The following RGL1 variants were observed in gnomAD, a reference collection of about 807,000 sequenced individuals.
The protein encoded by RGL1 is ral guanine nucleotide dissociation stimulator like 1.
Under a neutral mutation model 95.2 loss-of-function variants are expected in RGL1, and 24 were observed. The ratio of observed to expected loss-of-function variants is 0.25; its 90% confidence interval spans 0.18 to 0.35. The LOEUF (loss-of-function observed/expected upper bound fraction) is 0.35. RGL1 is among the 10% of genes least tolerant of loss of function. RGL1 has a pLI of 1.00. For synonymous variants in RGL1, 329 were observed against 344.9 expected (o/e 0.95, Z 0.51); for missense variants, 715 against 936.3 (o/e 0.76, Z 3.08).
At chr1:183,752,700 CTCTCTT>C (rs1262416419) in intron 2 of RGL1, among the ~76,000 whole-genome samples, 20 of 148,684 alleles carry the variant, frequency 1.3e-4, no homozygotes, top group East Asian at 5.9e-4. Context: ...CTCTCTCTCT[CTCTCTT>C]TCCCCTTTCC....
intron 2 of RGL1, among the ~76,000 whole-genome samples, chr1:183,840,887 A>G (rs922779170): frequency 1.3e-5 from 2 of 151,558 alleles, no homozygotes; most frequent in African/African-American, 4.9e-5. Flanking sequence ...GATGGACTGC[A>G]TCTCTAACAA....
chr1:183,740,454 C>T (rs573726620), intron 1 of RGL1, among the ~76,000 whole-genome samples: 53 of 152,350 alleles, frequency 3.5e-4, no homozygotes, highest in African/African-American at 1.2e-3. Context: ...AACTCCTCTG[C>T]AGATGATGAT....
At chr1:183,658,159 A>T (rs967583885) in intron 1 of RGL1, among the ~76,000 whole-genome samples, 1 of 152,194 alleles carries the variant, frequency 6.6e-6, no homozygotes, top group Non-Finnish European at 1.5e-5. Flanking sequence ...CTGCATTTCC[A>T]TCTGAGGTAC....
chr1:183,669,436 T>C (rs1572252392), intron 1 of RGL1, among the ~76,000 whole-genome samples: 1 of 152,366 alleles, frequency 6.6e-6, no homozygotes, highest in South Asian at 2.1e-4. Flanking sequence ...GTCCTTAGCA[T>C]AGTCCATAGT....
At chr1:183,853,688 G>A (rs530848793) in intron 3 of RGL1, among the ~76,000 whole-genome samples, 1 of 152,216 alleles carries the variant, frequency 6.6e-6, no homozygotes, top group African/African-American at 2.4e-5. Flanking sequence ...TTACCCCTAT[G>A]TTTACAGATT....
chr1:183,695,720 A>G lies in RGL1; in HGVS notation c.-32-46406A>G, dbSNP rs909656132. ...ACAAGTTCTATTTTAGCATGAATTTATTTCACAAGTTCAGGTTTCTAATAA... is the reference window on the plus strand; with the variant it reads ...ACAAGTTCTATTTTAGCATGAATTTGTTTCACAAGTTCAGGTTTCTAATAA... On this transcript the variant is annotated intron_variant, in intron 1 of 18. Transcript: ENST00000304685. Among the ~76,000 whole-genome samples, 3 of 152,236 alleles carry G rather than the reference A, an allele frequency of 2.0e-5. 1 individual carries two copies. The highest frequency in any genetic ancestry group is 4.4e-5 in the Non-Finnish European group (3 of 68,026).
chr1:183,905,716 C>T (rs1287204941), intron 13 of RGL1, among the ~76,000 whole-genome samples: 5 of 152,108 alleles, frequency 3.3e-5, no homozygotes, highest in African/African-American at 4.8e-5. Context: ...TGGCTCAGCA[C>T]GTCCCTGTCC....
intron 7 of RGL1, among the ~76,000 whole-genome samples, chr1:183,885,885 G>C (rs1478350550): frequency 6.6e-6 from 1 of 151,998 alleles, no homozygotes. Context: ...TTTCATGGAT[G>C]AATTGACATT....
intron 1 of RGL1, among the ~76,000 whole-genome samples, chr1:183,684,709 C>T (rs1653456101): frequency 1.3e-5 from 2 of 152,220 alleles, no homozygotes; most frequent in Admixed American, 1.3e-4. Context: ...ACCCAGGGCC[C>T]TGGTGGTGTA....
intron 1 of RGL1, among the ~76,000 whole-genome samples, chr1:183,715,228 T>C (rs1442941962): frequency 6.6e-6 from 1 of 152,198 alleles, no homozygotes; most frequent in Non-Finnish European, 1.5e-5. Flanking sequence ...TGACATTCCT[T>C]CCAGGTCACA....
intron 1 of RGL1, among the ~76,000 whole-genome samples, chr1:183,710,666 A>G (rs1442339748): frequency 3.9e-5 from 6 of 152,220 alleles, no homozygotes; most frequent in Non-Finnish European, 5.9e-5. Context: ...CATTCTTCAC[A>G]TGGTGGCAGG....
chr1:183,783,278 TAGAC>T (rs750573919), intron 2 of RGL1, among the ~76,000 whole-genome samples: 2 of 152,034 alleles, frequency 1.3e-5, no homozygotes, highest in Admixed American at 6.6e-5. Flanking sequence ...TAAGTTCAAA[TAGAC>T]AGGCAAAGGG....
intron 10 of RGL1, among the ~76,000 whole-genome samples, chr1:183,899,492 A>G (rs1206564156): frequency 6.6e-6 from 1 of 152,152 alleles, no homozygotes; most frequent in Non-Finnish European, 1.5e-5. Flanking sequence ...GAGCTTCTGG[A>G]TTTTTAGAAA....
At chr1:183,810,154 G>A (rs892682466) in intron 2 of RGL1, among the ~76,000 whole-genome samples, 6 of 152,174 alleles carry the variant, frequency 3.9e-5, no homozygotes, top group Admixed American at 2.6e-4. Context: ...AATACTCAAA[G>A]GGACAGAGGA....
intron 1 of RGL1, chr1:183,648,364 T>C (rs1179351885): frequency 6.2e-7 from 1 of 1,614,200 alleles, no homozygotes; most frequent in South Asian, 1.1e-5. Flanking sequence ...ATCAGGAAAT[T>C]ATACATTTTG....
chr1:183,923,126 G>A (rs1449638595), intron 17 of RGL1, among the ~76,000 whole-genome samples: 3 of 152,142 alleles, frequency 2.0e-5, no homozygotes, highest in Admixed American at 1.3e-4. Context: ...ATTGTTGACC[G>A]AAGCCAACCC....
At chr1:183,769,806 C>T (rs1262556729) in intron 2 of RGL1, among the ~76,000 whole-genome samples, 1 of 152,134 alleles carries the variant, frequency 6.6e-6, no homozygotes, top group Non-Finnish European at 1.5e-5. Context: ...TCCTCATACT[C>T]CAAAGAACAC....
chr1:183,777,310 G>A (rs1659655345), intron 2 of RGL1, among the ~76,000 whole-genome samples: 1 of 152,156 alleles, frequency 6.6e-6, no homozygotes, highest in Admixed American at 6.5e-5. Context: ...CTTGAGGTTA[G>A]CCAGAGTTTG....
chr1:183,778,313 G>A (rs1325872517), intron 2 of RGL1, among the ~76,000 whole-genome samples: 1 of 152,190 alleles, frequency 6.6e-6, no homozygotes, highest in Non-Finnish European at 1.5e-5. Context: ...GAAGAAAAGG[G>A]GCTCTGTACT....
Sources: gnomAD v4.1 joint callset for allele counts (sites outside exome capture counted in the v4.1 genomes callset) on GRCh38, gnomAD v4.1.1 for gene constraint, MANE v1.5 for transcripts, NCBI Gene and HGNC (gene_info 2026-07-23, HGNC 2026-07-21) for gene names.